Variants in PTPRJ observed in about 807,000 individuals in gnomAD.
The protein encoded by PTPRJ is receptor-type tyrosine-protein phosphatase eta.
Under a neutral mutation model 141.3 loss-of-function variants are expected in PTPRJ, and 129 were observed. The observed-to-expected ratio is 0.91, with a 90% CI of 0.79 to 1.06. The LOEUF is 1.06. Among genes scored for constraint, PTPRJ ranks in the 50% least tolerant of loss-of-function variants. The probability of loss-of-function intolerance (pLI) is 0.00; values close to 1 mark genes in which losing one functional copy is unlikely to be tolerated. For synonymous variants in PTPRJ, 610 were observed against 640.5 expected (o/e 0.95, Z 0.72); for missense variants, 1,601 against 1,679.7 (o/e 0.95, Z 0.82).
intron 1 of PTPRJ, among the ~76,000 whole-genome samples, chr11:48,046,514 G>C (rs961091756): frequency 1.3e-4 from 20 of 152,262 alleles, no homozygotes; most frequent in Middle Eastern, 3.4e-3. Context: ...GCCCTGGCCT[G>C]AACTTGGCTT....
intron 9 of PTPRJ, among the ~76,000 whole-genome samples, 181 bp from the exon 10 acceptor site, chr11:48,136,822 T>G (rs1461368852): frequency 6.6e-6 from 1 of 152,212 alleles, no homozygotes; most frequent in Non-Finnish European, 1.5e-5. Flanking sequence ...CTTTTGAGAC[T>G]TAATCTGTAT....
intron 1 of PTPRJ, among the ~76,000 whole-genome samples, chr11:48,047,163 GCCT>G (rs1469162010): frequency 6.6e-6 from 1 of 151,950 alleles, no homozygotes; most frequent in Admixed American, 6.6e-5. Context: ...TGATCCACCT[GCCT>G]CGGCCTCCCA....
chr11:47,981,036 G>T (rs1273078049), intron 1 of PTPRJ, 28 bp downstream of exon 1: 2 of 1,212,390 alleles, frequency 1.6e-6, no homozygotes, highest in Non-Finnish European at 2.1e-6. Context: ...TCGGGCGGGG[G>T]GCAGGAGGCT....
chr11:48,143,856 C>G (rs1857292033), intron 12 of PTPRJ, among the ~76,000 whole-genome samples: 1 of 142,652 alleles, frequency 7.0e-6, no homozygotes, highest in Non-Finnish European at 1.5e-5. Context: ...CCCCTTCTCC[C>G]CTTCTCCCCT....
At position 48,135,476 on chromosome 11, in the gene PTPRJ, C is replaced by CTTT. The variant is rs34709299; in HGVS notation, c.1616-542_1616-540dup. ...ACAGGCGTGATCCACCGCGCCTGGC[C>CTTT]TTTTTTTTTTTTTTTTTTTTTTTGA... On this transcript the variant is annotated intron_variant, in intron 8 of 24. Coordinates refer to ENST00000418331, the MANE Select transcript of PTPRJ (RefSeq NM_002843.4). Among the ~76,000 whole-genome samples, 328 of 58,216 alleles carry CTTT rather than the reference C, an allele frequency of 5.6e-3. 7 individuals are homozygous for CTTT. The highest frequency in any genetic ancestry group is 0.012 in the African/African-American group (169 of 14,388). The allele number at this position is 58,216 out of a possible 152,430, so 38.2% of individuals were successfully genotyped here. A position where few individuals can be genotyped will look rare whatever the true frequency, so the allele number is the denominator to read the frequency against.
At chr11:48,165,876 T>G (rs114698932) in intron 24 of PTPRJ, among the ~76,000 whole-genome samples, 66,000 of 151,230 alleles carry the variant, frequency 0.44, 17,252 homozygotes, top group Non-Finnish European at 0.57. Context: ...TTTTTTTTTT[T>G]TTTGAGACGG....
chr11:48,029,520 T>G, intron 1 of PTPRJ, among the ~76,000 whole-genome samples: 1 of 152,310 alleles, frequency 6.6e-6, no homozygotes, highest in South Asian at 2.1e-4. Context: ...CCCGCATCTC[T>G]TATATGTTAC....
At chr11:48,086,519 A>G (rs549226719) in intron 1 of PTPRJ, among the ~76,000 whole-genome samples, 1 of 152,376 alleles carries the variant, frequency 6.6e-6, no homozygotes, top group South Asian at 2.1e-4. Context: ...GCAGATGGGT[A>G]AACTGAGGTA....
chr11:48,068,056 A>C (rs1426308342), intron 1 of PTPRJ, among the ~76,000 whole-genome samples: 1 of 152,238 alleles, frequency 6.6e-6, no homozygotes, highest in Non-Finnish European at 1.5e-5. Context: ...GGAAGATGAC[A>C]CAGTGTAATA....
At chr11:48,141,940 T>G (rs1447481820) in intron 11 of PTPRJ, among the ~76,000 whole-genome samples, 1 of 141,282 alleles carries the variant, frequency 7.1e-6, no homozygotes, top group South Asian at 2.1e-4. Context: ...CCCAATGTGT[T>G]TTTTTTTTTT....
At chr11:48,118,479 A>G (rs1469301755) in intron 3 of PTPRJ, among the ~76,000 whole-genome samples, 1 of 152,258 alleles carries the variant, frequency 6.6e-6, no homozygotes, top group African/African-American at 2.4e-5. Context: ...TAACAAGAGC[A>G]GTATTACCTT....
chr11:48,161,180 C>CAAAAAAAAA (rs71045549), intron 22 of PTPRJ, among the ~76,000 whole-genome samples: 1,371 of 67,762 alleles, frequency 0.02, 99 homozygotes, highest in African/African-American at 0.029. Flanking sequence ...GACCCGGTCT[C>CAAAAAAAAA]AAAAAAAAAA....
Position 48,159,960 on chromosome 11 carries a change from C to A in PTPRJ, c.3469C>A (p.Gln1157Lys). ...ATGTGAGGAGTATTGGCCCTCCAAG[C>A]AGGCTCAGGACTATGGAGACATAAC... ...TKCEEYWPSKQAQDYGDITVA... is the reference protein window; with the variant it reads ...TKCEEYWPSKKAQDYGDITVA... The change falls in exon 22 of 25, where the codon CAG (glutamine) becomes AAG (lysine). Residue 1157 changes from glutamine (Q) to lysine (K), a missense_variant. Transcript: ENST00000418331. 1 of 1,613,830 alleles carries A rather than the reference C, an allele frequency of 6.2e-7. No homozygotes were observed. The highest frequency in any genetic ancestry group is 8.5e-7 in the Non-Finnish European group (1 of 1,179,848).
intron 1 of PTPRJ, among the ~76,000 whole-genome samples, chr11:48,053,157 TA>T (rs1854620091): frequency 9.1e-6 from 1 of 109,724 alleles, no homozygotes; most frequent in African/African-American, 3.6e-5. Context: ...AATAAATATA[TA>T]TTATATATAT....
chr11:48,053,486 TA>T (rs1024871795), intron 1 of PTPRJ, among the ~76,000 whole-genome samples: 22 of 113,058 alleles, frequency 1.9e-4, no homozygotes, highest in Non-Finnish European at 3.2e-4. Flanking sequence ...AAAATATATA[TA>T]AAATATATAT....
At chr11:48,126,775 AACACACACACACACACACACACACACAC>A (rs10599361) in intron 6 of PTPRJ, among the ~76,000 whole-genome samples, 1 of 137,146 alleles carries the variant, frequency 7.3e-6, no homozygotes. Context: ...AGTCTGTTGC[AACACACACACACACACACACACACACAC>A]ACACACACAC....
At chr11:47,999,334 A>G (rs963157549) in intron 1 of PTPRJ, among the ~76,000 whole-genome samples, 2 of 152,212 alleles carry the variant, frequency 1.3e-5, no homozygotes, top group South Asian at 4.1e-4. Flanking sequence ...AAACCACAAA[A>G]ATCTCTTTTG....
intron 1 of PTPRJ, among the ~76,000 whole-genome samples, chr11:48,081,946 T>G (rs528397770): frequency 6.6e-6 from 1 of 152,266 alleles, no homozygotes; most frequent in African/African-American, 2.4e-5. Flanking sequence ...CTCTTGGTAT[T>G]GTGTTGATGG....
rs571203534 is a variant in PTPRJ at position 47,990,763 on chromosome 11, G to A, written c.96+9755G>A. ...TTCAGTGGCGCAATCTTGGCTCACT[G>A]CAAGCTCCACCTCCCGGGTTCACGC... On this transcript the variant is annotated intron_variant, in intron 1 of 24. Transcript: ENST00000418331. Among the ~76,000 whole-genome samples the A allele has an allele frequency of 6.8e-5, 10 of 148,092 alleles. No homozygotes were observed. In the East Asian group the frequency reaches 2.0e-3, roughly 29 times the overall value.
Sources: allele counts gnomAD v4.1 joint callset (sites outside exome capture counted in the v4.1 genomes callset), GRCh38; gene constraint gnomAD v4.1.1; transcripts MANE v1.5; gene names NCBI Gene and HGNC (gene_info 2026-07-23, HGNC 2026-07-21).